Variants in GRID2 observed in about 807,000 individuals in gnomAD.
GRID2 encodes glutamate ionotropic receptor delta type subunit 2, also known as glutamate receptor ionotropic, delta-2.
A neutral mutation model predicts 114.8 loss-of-function variants in GRID2; 33 were observed. The observed-to-expected ratio is 0.29, with a 90% confidence interval of 0.22 to 0.38. The LOEUF is 0.38. Ranked by LOEUF, GRID2 falls within the 10% of genes least tolerant of loss-of-function variation. GRID2 has a pLI of 1.00. For synonymous variants in GRID2, 505 were observed against 449.9 expected (o/e 1.12, Z -1.55); for missense variants, 1,184 against 1,257.7 (o/e 0.94, Z 0.89).
chr4:93,047,875 C>CA (rs1382703796), intron 2 of GRID2, among the ~76,000 whole-genome samples: 10 of 141,430 alleles, frequency 7.1e-5, no homozygotes, highest in Admixed American at 6.6e-4. Flanking sequence ...AAAAAACAAA[C>CA]AAACAAACAA....
intron 13 of GRID2, among the ~76,000 whole-genome samples, chr4:93,595,427 A>T (rs1048271091): frequency 6.6e-6 from 1 of 152,170 alleles, no homozygotes; most frequent in Admixed American, 6.5e-5. Flanking sequence ...TTGCTGTGGG[A>T]ACTTGGGCAA....
intron 14 of GRID2, among the ~76,000 whole-genome samples, chr4:93,677,096 G>A (rs1445572961): frequency 6.6e-6 from 1 of 152,202 alleles, no homozygotes; most frequent in African/African-American, 2.4e-5. Flanking sequence ...TTTCCCTACG[G>A]GCTTAGGAAA....
At position 92,590,424 on chromosome 4, in the gene GRID2, T is replaced by C; in HGVS notation, c.244+138T>C. The C allele has an allele frequency of 2.7e-5, 16 of 603,156 alleles. No homozygotes were observed. In the South Asian group the frequency reaches 4.1e-4, roughly 16 times the overall value. 37.4% of individuals were successfully genotyped at this position (603,156 alleles called of 1,614,324 possible). On this transcript the variant is annotated intron_variant, in intron 2 of 15. Coordinates refer to ENST00000282020, the MANE Select transcript of GRID2 (RefSeq NM_001510.4). ...GGGCATTATTTTCCTTGGAGATCAC[T>C]GTTTTGTAGATGTTAATCTTGTATT...
chr4:92,685,443 C>A (rs1733852383), intron 2 of GRID2, among the ~76,000 whole-genome samples: 1 of 151,978 alleles, frequency 6.6e-6, no homozygotes, highest in African/African-American at 2.4e-5. Flanking sequence ...GGAATCCTGA[C>A]AGATGAGTGA....
chr4:93,537,102 T>C (rs1380428816), intron 13 of GRID2, among the ~76,000 whole-genome samples: 1 of 151,700 alleles, frequency 6.6e-6, no homozygotes, highest in African/African-American at 2.4e-5. Flanking sequence ...CATGAGATTA[T>C]GTATAATTAT....
intron 2 of GRID2, among the ~76,000 whole-genome samples, chr4:92,752,809 G>T (rs544629717): frequency 6.6e-6 from 1 of 152,238 alleles, no homozygotes; most frequent in East Asian, 1.9e-4. Context: ...GTAGGTAAAT[G>T]TCTGTGTCTG....
At chr4:92,775,000 C>A (rs1738721667) in intron 2 of GRID2, among the ~76,000 whole-genome samples, 1 of 152,094 alleles carries the variant, frequency 6.6e-6, no homozygotes, top group Non-Finnish European at 1.5e-5. Context: ...TTATGTTCAT[C>A]AGAGTTTGTG....
At chr4:93,349,431 A>G (rs374868617) in intron 8 of GRID2, among the ~76,000 whole-genome samples, 33 of 152,098 alleles carry the variant, frequency 2.2e-4, no homozygotes, top group African/African-American at 7.9e-4. Context: ...TATTTTGAAT[A>G]TTTTCTATAT....
intron 2 of GRID2, among the ~76,000 whole-genome samples, chr4:92,626,424 G>A (rs12640345): frequency 0.056 from 8,463 of 152,038 alleles, 303 homozygotes; most frequent in East Asian, 0.16. Flanking sequence ...ACTATCAGTA[G>A]GAGTAAGTTT....
chr4:93,541,026 G>T (rs191832616), intron 13 of GRID2, among the ~76,000 whole-genome samples: 66 of 152,186 alleles, frequency 4.3e-4, no homozygotes, highest in Admixed American at 1.0e-3. Flanking sequence ...ATCATTTAAA[G>T]TTCCCAAAAC....
At chr4:93,597,140 A>T (rs1739188583) in intron 13 of GRID2, among the ~76,000 whole-genome samples, 1 of 152,220 alleles carries the variant, frequency 6.6e-6, no homozygotes, top group Non-Finnish European at 1.5e-5. Context: ...TTGTTTAGGT[A>T]AACATTGGAT....
chr4:92,837,097 C>T (rs1424596078), intron 2 of GRID2, among the ~76,000 whole-genome samples: 1 of 152,046 alleles, frequency 6.6e-6, no homozygotes, highest in Non-Finnish European at 1.5e-5. Context: ...AGTTCAGTCT[C>T]AAATCCATCT....
downstream of GRID2, among the ~76,000 whole-genome samples, chr4:93,774,912 A>T (rs1734332139): frequency 6.6e-6 from 1 of 152,188 alleles, no homozygotes; most frequent in Non-Finnish European, 1.5e-5. Flanking sequence ...ATCAAAAAAA[A>T]TAAGAAAGAC....
chr4:92,653,480 TC>T (rs1401765571), intron 2 of GRID2, among the ~76,000 whole-genome samples: 1 of 151,974 alleles, frequency 6.6e-6, no homozygotes, highest in Non-Finnish European at 1.5e-5. Context: ...ACCACTAGTT[TC>T]TACTTTTGTT....
chr4:93,022,011 A>G (rs1723411498), intron 2 of GRID2, among the ~76,000 whole-genome samples: 1 of 151,442 alleles, frequency 6.6e-6, no homozygotes, highest in Non-Finnish European at 1.5e-5. Flanking sequence ...GCAAAACCAG[A>G]ATACAAAATT....
chr4:93,443,900 T>TGAGA (rs35019748), intron 10 of GRID2, among the ~76,000 whole-genome samples: 2 of 150,620 alleles, frequency 1.3e-5, no homozygotes, highest in East Asian at 2.0e-4. Context: ...GCAAGTAAGT[T>TGAGA]GAGAGAGAGA....
At chr4:93,444,606 A>G (rs1024430816) in intron 10 of GRID2, among the ~76,000 whole-genome samples, 5 of 152,026 alleles carry the variant, frequency 3.3e-5, no homozygotes, top group African/African-American at 1.2e-4. Context: ...AACATTCAAA[A>G]AAGTCCTTCA....
intron 2 of GRID2, among the ~76,000 whole-genome samples, chr4:92,926,463 A>G (rs1362534555): frequency 6.6e-6 from 1 of 151,998 alleles, no homozygotes; most frequent in African/African-American, 2.4e-5. Context: ...TGTTGCTATA[A>G]TAAATTTCAC....
chr4:93,085,333 A>G (rs1730236217), intron 3 of GRID2, 54 bp downstream of exon 3: 1 of 1,323,320 alleles, frequency 7.6e-7, no homozygotes, highest in African/African-American at 1.4e-5. Flanking sequence ...CATGAGAAGC[A>G]AATTCATTAA....
Sources: allele counts gnomAD v4.1 joint callset (sites outside exome capture counted in the v4.1 genomes callset), GRCh38; gene constraint gnomAD v4.1.1; transcripts MANE v1.5; gene names NCBI Gene and HGNC (gene_info 2026-07-23, HGNC 2026-07-21).